The following EZR variants were observed in gnomAD, a reference collection of about 807,000 sequenced individuals.
The protein encoded by EZR is cytovillin 2.
EZR carries 40 observed loss-of-function variants against 74.8 expected under a neutral mutation model. The observed-to-expected ratio is 0.53, with a 90% CI of 0.42 to 0.70. The LOEUF (loss-of-function observed/expected upper bound fraction) is 0.70, where lower values mean the gene tolerates loss of function less well. Ranked by LOEUF, EZR falls within the 30% of genes least tolerant of loss-of-function variation. EZR has a pLI of 0.00. For missense variants in EZR, 678 were observed against 755.8 expected (o/e 0.90, Z 1.21); for synonymous variants, 341 against 283.3 (o/e 1.20, Z -2.05).
intron 1 of EZR, among the ~76,000 whole-genome samples, chr6:158,818,386 C>G (rs988050688): frequency 3.3e-5 from 5 of 150,634 alleles, no homozygotes; most frequent in African/African-American, 1.2e-4. Flanking sequence ...AGCGGGGGCG[C>G]GCGCCCAAGG....
At chr6:158,805,884 C>T (rs989426351) in intron 2 of EZR, among the ~76,000 whole-genome samples, 1 of 152,194 alleles carries the variant, frequency 6.6e-6, no homozygotes, top group East Asian at 1.9e-4. Context: ...GCCCACAGCC[C>T]CAGTATGTAG....
chr6:158,789,247 T>C (rs1212997874), intron 3 of EZR, 41 bp downstream of exon 3: 2 of 1,502,164 alleles, frequency 1.3e-6, no homozygotes, highest in Non-Finnish European at 1.8e-6. Flanking sequence ...AAAACAGTTT[T>C]TTTTTGTAGG....
intron 7 of EZR, among the ~76,000 whole-genome samples, chr6:158,780,178 A>G (rs1235666123): frequency 1.3e-5 from 1 of 74,764 alleles, no homozygotes; most frequent in South Asian, 4.0e-4. Context: ...GTGAGATTCC[A>G]TATCAAAAAA....
rs1479784556 is a variant in EZR, at chr6:158,780,917, T to C, written c.698+2603A>G. Among the ~76,000 whole-genome samples, 4 of 152,180 alleles carry C rather than the reference T, an allele frequency of 2.6e-5. No homozygotes were observed. In the East Asian group the frequency reaches 7.7e-4, roughly 29 times the overall value. The stretch of plus-strand genomic sequence containing the variant: ...AAGAAAGATGACAAATAGTCCTACA[T>C]GCTCCCACTTAATGCTTATGTGTAC... On this transcript the variant is annotated intron_variant, in intron 7 of 13. Transcript: ENST00000367075.
intron 2 of EZR, among the ~76,000 whole-genome samples, chr6:158,791,154 GC>G (rs11327244): frequency 0.78 from 118,263 of 152,008 alleles, 47,918 homozygotes; most frequent in African/African-American, 0.91. Context: ...CATCCAATAT[GC>G]CCTTAAAGGC....
chr6:158,799,959 T>C (rs2128573672), intron 2 of EZR, among the ~76,000 whole-genome samples: 1 of 152,352 alleles, frequency 6.6e-6, no homozygotes, highest in South Asian at 2.1e-4. Context: ...CTGTTTTATA[T>C]ACAAAATTAT....
intron 1 of EZR, among the ~76,000 whole-genome samples, chr6:158,818,501 A>G (rs1777615227): frequency 8.8e-6 from 1 of 113,170 alleles, no homozygotes; most frequent in South Asian, 3.0e-4. Flanking sequence ...TGGGGGGCGC[A>G]GGCCCGGGAG....
At position 158,789,672 on chromosome 6, in the gene EZR, T is replaced by C. The variant is rs930715408; in HGVS notation, c.13-301A>G. 1.2e-5 allele frequency: 6 copies of C among 493,768 alleles called. No individual in the cohort carries two copies. In the East Asian group the frequency reaches 3.4e-4, roughly 28 times the overall value. 30.6% of individuals were successfully genotyped at this position (493,768 alleles called of 1,614,324 possible). On this transcript the variant is annotated intron_variant, in intron 2 of 13. Transcript: ENST00000367075. ...TCTTGCTCTGTCACCCAAGCTGGAG[T>C]GCAGTGGCACGATCACAGCTCACTA...
intron 2 of EZR, among the ~76,000 whole-genome samples, chr6:158,816,646 A>G (rs750464296): frequency 6.6e-6 from 1 of 152,264 alleles, no homozygotes; most frequent in Non-Finnish European, 1.5e-5. Flanking sequence ...TGTATAGAAA[A>G]TACTCTGCAT....
At chr6:158,815,010 A>C (rs1050801964) in intron 2 of EZR, among the ~76,000 whole-genome samples, 13 of 152,232 alleles carry the variant, frequency 8.5e-5, no homozygotes, top group Non-Finnish European at 1.3e-4. Context: ...AGTTGCAATG[A>C]ATCAGGTGGA....
chr6:158,771,424 G>A lies in EZR; in HGVS notation c.796-17C>T, dbSNP rs1791105398. 3 of 1,573,222 alleles carry A rather than the reference G, an allele frequency of 1.9e-6. No homozygotes were observed. Among genetic ancestry groups the A allele is most frequent in the African/African-American group, 1.4e-5 (1 of 73,652 alleles). On this transcript the variant is annotated splice_polypyrimidine_tract_variant and intron_variant, in intron 8 of 13. Coordinates refer to ENST00000367075, the MANE Select transcript of EZR (RefSeq NM_001111077.2). ...CACAAAGTCCTACAAAACAGAACAG[G>A]GCCACCTGGACTCAAGCTCCTTCGT... is the stretch of plus-strand genomic sequence containing the variant.
At chr6:158,802,086 C>A (rs1281109755) in intron 2 of EZR, among the ~76,000 whole-genome samples, 1 of 152,176 alleles carries the variant, frequency 6.6e-6, no homozygotes, top group Non-Finnish European at 1.5e-5. Context: ...CAACGTAGTG[C>A]CCTTTAGATT....
chr6:158,767,788 G>GA lies in EZR; in HGVS notation c.1345-277dup, dbSNP rs973373106. ...AACTCTAGACATTATATAATTTTTA[G>GA]AAAAAAAATCCTGTTAGCATGAGTA... is the stretch of plus-strand genomic sequence containing the variant. On this transcript the variant is annotated intron_variant, in intron 12 of 13. Transcript: ENST00000367075. Among the ~76,000 whole-genome samples the GA allele has an allele frequency of 6.6e-4, 100 of 151,864 alleles. 1 individual carries two copies. In the Middle Eastern group the frequency reaches 0.014, roughly 21 times the overall value.
intron 2 of EZR, among the ~76,000 whole-genome samples, chr6:158,817,048 G>A (rs1293155090): frequency 1.3e-5 from 2 of 152,048 alleles, no homozygotes; most frequent in African/African-American, 2.4e-5. Context: ...TCATGCCACT[G>A]CACTCCAGCC....
rs1790809501 is a variant in EZR, at chr6:158,766,246, T to C, written c.*668A>G. On this transcript the variant is annotated 3_prime_UTR_variant, in exon 14 of 14. Transcript: ENST00000367075. Reference sequence around the variant, plus strand: ...TTATCACTTGTATATAAATAGTATATAGCTGATCATTAATAAGGTGTATAA... The same window carrying C: ...TTATCACTTGTATATAAATAGTATACAGCTGATCATTAATAAGGTGTATAA... 1 of 150,574 alleles carries C rather than the reference T, an allele frequency of 6.6e-6. No homozygotes were observed. Among genetic ancestry groups the C allele is most frequent in the African/African-American group, 2.5e-5 (1 of 40,536 alleles). 9.3% of individuals were successfully genotyped at this position (150,574 alleles called of 1,614,324 possible). A position where few individuals can be genotyped will look rare whatever the true frequency, so the allele number is the denominator to read the frequency against.
chr6:158,803,564 T>TAAAAA (rs1562504403), intron 2 of EZR, among the ~76,000 whole-genome samples: 1 of 4,980 alleles, frequency 2.0e-4, no homozygotes, highest in Non-Finnish European at 4.2e-4. Flanking sequence ...TATATATATA[T>TAAAAA]ATATATATAT....
At position 158,766,096 on chromosome 6, in the gene EZR, T is replaced by C. The variant is rs1790778684; in HGVS notation, c.*818A>G. 6.6e-6 allele frequency: 1 copy of C among 152,662 alleles called. No individual in the cohort carries two copies. Among genetic ancestry groups the C allele is most frequent in the African/African-American group, 2.4e-5 (1 of 41,460 alleles). The allele number at this position is 152,662 out of a possible 1,614,324, so 9.5% of individuals were successfully genotyped here. On this transcript the variant is annotated 3_prime_UTR_variant, in exon 14 of 14. Transcript: ENST00000367075. ...AGGTCCAGCTCCACCACTGCCCTCC[T>C]GCCACATCACATCAAGTGCCATGGT...
chr6:158,778,746 G>T (rs3127207), intron 7 of EZR, among the ~76,000 whole-genome samples: 1 of 152,036 alleles, frequency 6.6e-6, no homozygotes, highest in Non-Finnish European at 1.5e-5. Flanking sequence ...AAAGAATGCA[G>T]GGCTCACACT....
rs1777162941 is a variant in EZR, at chr6:158,800,345, T to C, written c.13-10974A>G. 2.6e-5 allele frequency among the ~76,000 whole-genome samples: 4 copies of C among 152,324 alleles called. No individual in the cohort carries two copies. The South Asian group carries it at 8.3e-4, about 32-fold the overall frequency. ...TAATTCCCGCCCATAGCAGTGGCCA[T>C]GTCACCAAGGAAAGGAAGGGCTAGA... On this transcript the variant is annotated intron_variant, in intron 2 of 13. Coordinates refer to ENST00000367075, the MANE Select transcript of EZR (RefSeq NM_001111077.2).
Sources: allele counts gnomAD v4.1 joint callset (sites outside exome capture counted in the v4.1 genomes callset), GRCh38; gene constraint gnomAD v4.1.1; transcripts MANE v1.5; gene names NCBI Gene and HGNC (gene_info 2026-07-23, HGNC 2026-07-21).